The following SNX29 variants were observed in gnomAD, a reference collection of about 807,000 sequenced individuals.
SNX29 encodes sorting nexin 29.
In SNX29, 78 loss-of-function variants were observed where a neutral mutation model predicts 102.1. The observed-to-expected ratio is 0.76, with a 90% confidence interval of 0.64 to 0.92. SNX29 has a LOEUF of 0.92. Ranked by LOEUF, SNX29 falls within the 40% of genes least tolerant of loss-of-function variation. The probability of loss-of-function intolerance (pLI) is 0.00; values close to 1 mark genes in which losing one functional copy is unlikely to be tolerated. For synonymous variants in SNX29, 580 were observed against 414.5 expected (o/e 1.40, Z -4.85); for missense variants, 1,280 against 1,061.7 (o/e 1.21, Z -2.86).
At chr16:12,172,975 C>A (rs1031859693) in intron 13 of SNX29, among the ~76,000 whole-genome samples, 1 of 152,170 alleles carries the variant, frequency 6.6e-6, no homozygotes, top group African/African-American at 2.4e-5. Flanking sequence ...ACATTTAAAA[C>A]GTTTATTTGG....
chr16:12,451,313 A>G lies in SNX29; in HGVS notation c.2038-26406A>G, dbSNP rs568918341. Among the ~76,000 whole-genome samples, 9 of 152,276 alleles carry G rather than the reference A, an allele frequency of 5.9e-5. No individual in the cohort carries two copies. The East Asian group carries it at 1.7e-3, about 29-fold the overall frequency. On this transcript the variant is annotated intron_variant, in intron 18 of 20. Coordinates refer to ENST00000566228, the MANE Select transcript of SNX29 (RefSeq NM_032167.5). ...AGCTTCTTCCCCACCAGCTCCACCA[A>G]GTTTATGTTTCGTCTCCTTGGATGG...
rs537202664 is a variant in SNX29 at position 12,560,698 on chromosome 16, ACT to A, written c.2319-7805_2319-7804del. On this transcript the variant is annotated intron_variant, in intron 20 of 20. Coordinates refer to ENST00000566228, the MANE Select transcript of SNX29 (RefSeq NM_032167.5). ...TGGATGCATTTATATCTAGTCATCG[ACT>A]CTGGGCTCAGAGTGCACACATTCAA... 451 of 161,760 alleles carry A rather than the reference ACT, an allele frequency of 2.8e-3. 6 individuals are homozygous for A. The highest frequency in any genetic ancestry group is 1.0e-2 in the African/African-American group (417 of 41,738). 10.0% of individuals were successfully genotyped at this position (161,760 alleles called of 1,614,324 possible).
At chr16:12,540,140 T>C (rs1006321937) in intron 20 of SNX29, among the ~76,000 whole-genome samples, 1 of 151,544 alleles carries the variant, frequency 6.6e-6, no homozygotes, top group Non-Finnish European at 1.5e-5. Flanking sequence ...CTCAAAGTTT[T>C]ATAGCTTTAC....
At chr16:12,022,632 C>G (rs2057062674) in intron 3 of SNX29, among the ~76,000 whole-genome samples, 1 of 152,148 alleles carries the variant, frequency 6.6e-6, no homozygotes, top group African/African-American at 2.4e-5. Flanking sequence ...CAACTCCAGC[C>G]TTAGAGAACC....
intron 18 of SNX29, among the ~76,000 whole-genome samples, chr16:12,445,032 G>T (rs950007365): frequency 1.3e-5 from 2 of 151,968 alleles, no homozygotes; most frequent in African/African-American, 4.8e-5. Flanking sequence ...GGTATTTTTA[G>T]TAGAGATGGG....
At chr16:12,029,773 G>A in intron 4 of SNX29, 1 of 355,348 alleles carries the variant, frequency 2.8e-6, no homozygotes, top group South Asian at 2.1e-5. Flanking sequence ...TGTATTTTTA[G>A]TAGAGATGGA....
At chr16:12,259,717 G>C (rs1475575393) in intron 14 of SNX29, among the ~76,000 whole-genome samples, 2 of 152,154 alleles carry the variant, frequency 1.3e-5, no homozygotes, top group Admixed American at 1.3e-4. Context: ...TTAAAATGCA[G>C]ATTCCTGGCC....
At chr16:12,245,958 T>C (rs2078248543) in intron 14 of SNX29, among the ~76,000 whole-genome samples, 1 of 152,156 alleles carries the variant, frequency 6.6e-6, no homozygotes, top group Non-Finnish European at 1.5e-5. Context: ...TTCTGTGAAA[T>C]AGGGATATTA....
At chr16:12,423,937 A>G (rs1271525257) in intron 18 of SNX29, among the ~76,000 whole-genome samples, 1 of 152,182 alleles carries the variant, frequency 6.6e-6, no homozygotes, top group Admixed American at 6.5e-5. Context: ...GTTGAGGTGG[A>G]CAAGGGGCCT....
intron 18 of SNX29, among the ~76,000 whole-genome samples, chr16:12,419,432 C>G (rs948870047): frequency 2.0e-5 from 3 of 152,174 alleles, no homozygotes; most frequent in African/African-American, 7.2e-5. Flanking sequence ...TTGACACTTG[C>G]ACGCTCTTGG....
intron 15 of SNX29, among the ~76,000 whole-genome samples, chr16:12,322,160 G>A (rs764163541): frequency 4.6e-5 from 7 of 152,116 alleles, no homozygotes; most frequent in African/African-American, 7.2e-5. Flanking sequence ...TTGTCCCTGC[G>A]TCCTAAGCAG....
chr16:12,121,132 G>A (rs1442124633), intron 11 of SNX29, among the ~76,000 whole-genome samples: 1 of 152,228 alleles, frequency 6.6e-6, no homozygotes, highest in Non-Finnish European at 1.5e-5. Flanking sequence ...TCTGTGCTGG[G>A]CACTGGGGCC....
chr16:12,272,936 C>G (rs140004212), intron 14 of SNX29, among the ~76,000 whole-genome samples: 63 of 152,168 alleles, frequency 4.1e-4, no homozygotes, highest in Non-Finnish European at 8.7e-4. Context: ...ACACGCAACA[C>G]GCAGCTCCCC....
Position 12,276,923 on chromosome 16 carries a change from C to T in SNX29, c.1679-1010C>T, listed in dbSNP as rs534831960. Among the ~76,000 whole-genome samples the T allele has an allele frequency of 5.9e-5, 9 of 152,190 alleles. No individual in the cohort carries two copies. The South Asian group carries it at 1.7e-3, about 28-fold the overall frequency. ...TTGCATTGACGTTCTGTGTTGGTTTCCGAGTTTTTCTAAAGGTTTTCTTGC... is the reference window on the plus strand; with the variant it reads ...TTGCATTGACGTTCTGTGTTGGTTTTCGAGTTTTTCTAAAGGTTTTCTTGC... On this transcript the variant is annotated intron_variant, in intron 14 of 20. Transcript: ENST00000566228.
intron 3 of SNX29, among the ~76,000 whole-genome samples, chr16:12,013,500 A>AATATATATATATACAT (rs2056737779): frequency 3.2e-5 from 1 of 31,634 alleles, no homozygotes; most frequent in Non-Finnish European, 6.1e-5. Context: ...AAAAAAAAAA[A>AATATATATATATACAT]ATATATATAT....
Position 12,042,892 on chromosome 16 carries a change from C to T in SNX29, c.248-5C>T, listed in dbSNP as rs376018601. The T allele has an allele frequency of 2.9e-5, 46 of 1,601,382 alleles. No homozygotes were observed. In the East Asian group the frequency reaches 4.9e-4, roughly 17 times the overall value. On this transcript the variant is annotated splice_region_variant and splice_polypyrimidine_tract_variant and intron_variant, in intron 4 of 20. Coordinates refer to ENST00000566228, the MANE Select transcript of SNX29 (RefSeq NM_032167.5). Reference sequence around the variant, plus strand: ...GTGCCAGGCGCCTGTGCCCTCTCTCCGTAGAGCCCGTGTTCTGGTACTACG... The same window carrying T: ...GTGCCAGGCGCCTGTGCCCTCTCTCTGTAGAGCCCGTGTTCTGGTACTACG...
intron 16 of SNX29, among the ~76,000 whole-genome samples, chr16:12,389,515 T>C (rs2083450243): frequency 6.6e-6 from 1 of 152,148 alleles, no homozygotes; most frequent in Non-Finnish European, 1.5e-5. Context: ...CCACCGTGAT[T>C]GTGAGGCCTC....
intron 11 of SNX29, chr16:12,088,218 T>G (rs1237100603): frequency 2.4e-6 from 1 of 422,956 alleles, no homozygotes; most frequent in Admixed American, 2.5e-5. Context: ...GGAACAGATC[T>G]GGTCAGCTGA....
intron 1 of SNX29, among the ~76,000 whole-genome samples, chr16:11,980,101 C>T (rs12923439): frequency 0.34 from 51,531 of 151,616 alleles, 9,207 homozygotes; most frequent in East Asian, 0.63. Context: ...TAAACATCAC[C>T]ATAGTTAATT....
Sources: allele counts gnomAD v4.1 joint callset (sites outside exome capture counted in the v4.1 genomes callset), GRCh38; gene constraint gnomAD v4.1.1; transcripts MANE v1.5; gene names NCBI Gene and HGNC (gene_info 2026-07-23, HGNC 2026-07-21).